The following NFAT5 variants were observed in gnomAD, a reference collection of about 807,000 sequenced individuals.
NFAT5 encodes the protein nuclear factor of activated T-cells 5.
Under a neutral mutation model 166.5 loss-of-function variants are expected in NFAT5, and 31 were observed. The ratio of observed to expected loss-of-function variants is 0.19; its 90% CI spans 0.14 to 0.25. The LOEUF is 0.25. NFAT5 is among the 10% of genes least tolerant of loss of function. The probability of loss-of-function intolerance (pLI) is 1.00; values close to 1 mark genes in which losing one functional copy is unlikely to be tolerated. For synonymous variants in NFAT5, 612 were observed against 639.7 expected (o/e 0.96, Z 0.65); for missense variants, 1,449 against 1,821.8 (o/e 0.80, Z 3.72).
rs2035570285 is a variant in NFAT5, at chr16:69,649,200, C to T, written c.812+1614C>T. 4.2e-6 allele frequency: 4 copies of T among 961,140 alleles called. 1 individual carries two copies. In the South Asian group the frequency reaches 1.4e-4, roughly 35 times the overall value. 59.5% of individuals were successfully genotyped at this position (961,140 alleles called of 1,614,324 possible). The stretch of plus-strand genomic sequence containing the variant: ...TACTTAAGTAACTGTGATAGTAACA[C>T]AGATCTAAAAGTCTCATGAATATCA... On this transcript the variant is annotated intron_variant, in intron 4 of 14. Coordinates refer to ENST00000349945, the MANE Select transcript of NFAT5 (RefSeq NM_138713.4).
intron 1 of NFAT5, 90 bp from the exon 2 acceptor site, chr16:69,568,405 C>T: frequency 1.7e-6 from 1 of 581,370 alleles, no homozygotes; most frequent in South Asian, 1.9e-5. Flanking sequence ...CACACACACA[C>T]ATTGCAGTTA....
Position 69,576,239 on chromosome 16 carries a change from C to T in NFAT5, c.127+7691C>T, listed in dbSNP as rs914225542. Reference sequence around the variant, plus strand: ...CCCGGAAGGTGGAGCTTTCAGGGAGCGGAGATGGCGCCTCTGCACTCCAGC... The same window carrying T: ...CCCGGAAGGTGGAGCTTTCAGGGAGTGGAGATGGCGCCTCTGCACTCCAGC... On this transcript the variant is annotated intron_variant, in intron 2 of 14. Transcript: ENST00000349945. Among the ~76,000 whole-genome samples the T allele has an allele frequency of 6.3e-4, 87 of 137,218 alleles. 2 individuals carry two copies. Among genetic ancestry groups the T allele is most frequent in the Non-Finnish European group, 8.2e-4 (54 of 65,762 alleles). The allele number at this position is 137,218 out of a possible 152,430, so 90.0% of individuals were successfully genotyped here.
intron 2 of NFAT5, among the ~76,000 whole-genome samples, chr16:69,606,965 C>T (rs938530471): frequency 1.4e-4 from 22 of 152,086 alleles, no homozygotes; most frequent in Admixed American, 7.9e-4. Flanking sequence ...GAAATAATGT[C>T]CGTGGAATAT....
chr16:69,671,539 T>C (rs1315589972), intron 9 of NFAT5, among the ~76,000 whole-genome samples: 1 of 152,160 alleles, frequency 6.6e-6, no homozygotes, highest in Admixed American at 6.5e-5. Context: ...TCCAGCTAAT[T>C]TTTGTATTTT....
At chr16:69,574,745 T>C (rs2016642171) in intron 2 of NFAT5, among the ~76,000 whole-genome samples, 1 of 152,030 alleles carries the variant, frequency 6.6e-6, no homozygotes, top group South Asian at 2.1e-4. Context: ...CTTGGCTTAT[T>C]GCAACCTCTG....
intron 2 of NFAT5, among the ~76,000 whole-genome samples, chr16:69,583,899 A>G (rs932549858): frequency 6.6e-6 from 1 of 152,174 alleles, no homozygotes; most frequent in East Asian, 1.9e-4. Flanking sequence ...TAATAATTGC[A>G]TTAAAATAAC....
At chr16:69,678,499 C>G (rs528059749) in intron 10 of NFAT5, among the ~76,000 whole-genome samples, 1 of 152,228 alleles carries the variant, frequency 6.6e-6, no homozygotes, top group African/African-American at 2.4e-5. Context: ...AGGCATGAGC[C>G]ACCACGTCCG....
At chr16:69,571,130 A>G (rs944263352) in intron 2 of NFAT5, among the ~76,000 whole-genome samples, 1 of 78,408 alleles carries the variant, frequency 1.3e-5, no homozygotes, top group Non-Finnish European at 2.3e-5. Flanking sequence ...CATCTCTACT[A>G]AAAAAAAAAA....
intron 3 of NFAT5, among the ~76,000 whole-genome samples, chr16:69,638,105 G>A (rs1238031056): frequency 1.3e-5 from 2 of 152,102 alleles, no homozygotes; most frequent in Non-Finnish European, 2.9e-5. Flanking sequence ...TATAATTCCA[G>A]CTACTCTGGA....
intron 2 of NFAT5, among the ~76,000 whole-genome samples, chr16:69,603,532 A>C (rs1461756688): frequency 6.6e-6 from 1 of 152,118 alleles, no homozygotes; most frequent in African/African-American, 2.4e-5. Flanking sequence ...TGGGCAGATC[A>C]CTTAAACTCA....
At chr16:69,688,190 G>A (rs535875142) in intron 11 of NFAT5, among the ~76,000 whole-genome samples, 214 of 94,212 alleles carry the variant, frequency 2.3e-3, no homozygotes, top group Non-Finnish European at 2.4e-3. Flanking sequence ...GCGACAGAGC[G>A]AGACTCCGTC....
intron 3 of NFAT5, among the ~76,000 whole-genome samples, chr16:69,633,388 T>C (rs1409927813): frequency 2.0e-5 from 3 of 152,220 alleles, no homozygotes; most frequent in African/African-American, 7.2e-5. Context: ...AAGTGGACTT[T>C]TTTATATCAC....
At chr16:69,664,098 A>G (rs2036260061) in intron 7 of NFAT5, among the ~76,000 whole-genome samples, 2 of 152,160 alleles carry the variant, frequency 1.3e-5, no homozygotes, top group African/African-American at 4.8e-5. Flanking sequence ...TAAGCAAACT[A>G]TCCCTCTCTT....
At chr16:69,662,546 A>G (rs975707036) in intron 7 of NFAT5, among the ~76,000 whole-genome samples, 1 of 135,316 alleles carries the variant, frequency 7.4e-6, no homozygotes, top group Non-Finnish European at 1.5e-5. Flanking sequence ...TGCAAGCTCC[A>G]CCTCCCGGGT....
intron 2 of NFAT5, among the ~76,000 whole-genome samples, chr16:69,595,376 C>T (rs115163952): frequency 7.4e-4 from 112 of 152,182 alleles, no homozygotes; most frequent in African/African-American, 2.5e-3. Context: ...TCTGTATTCC[C>T]GAATCTGTGT....
chr16:69,673,599 T>C (rs2036712599), intron 9 of NFAT5, among the ~76,000 whole-genome samples: 1 of 152,022 alleles, frequency 6.6e-6, no homozygotes, highest in Non-Finnish European at 1.5e-5. Flanking sequence ...GGCACATGCA[T>C]ATAGTTCCAG....
chr16:69,675,247 T>C (rs2036785724), intron 9 of NFAT5, among the ~76,000 whole-genome samples: 1 of 152,250 alleles, frequency 6.6e-6, no homozygotes, highest in South Asian at 2.1e-4. Context: ...CTGTTACTAA[T>C]TGCCAAGAAA....
rs953742673 is a variant in NFAT5 at position 69,697,206 on chromosome 16, T to A, written c.*855T>A. ...GGCTGGTATTCCCTTTTTATATATA[T>A]CTATATTACTTTTCACCTCTTTTTC... On this transcript the variant is annotated 3_prime_UTR_variant, in exon 15 of 15. Transcript: ENST00000349945. The A allele has an allele frequency of 6.6e-6, 1 of 152,602 alleles. No homozygotes were observed. Among genetic ancestry groups the A allele is most frequent in the African/African-American group, 2.4e-5 (1 of 41,444 alleles). 9.5% of individuals were successfully genotyped at this position (152,602 alleles called of 1,614,324 possible). A position where few individuals can be genotyped will look rare whatever the true frequency, so the allele number is the denominator to read the frequency against.
chr16:69,647,639 CA>C lies in NFAT5; in HGVS notation c.812+61del, dbSNP rs1182304882. ...ATCATCATTATGCAAAACAAACAAA[CA>C]AAAAAAATTCCCAATTTTTCCTAAT... On this transcript the variant is annotated intron_variant, in intron 4 of 14. Transcript: ENST00000349945. This position sits in a 1 kb window ranked among gnomAD's most constrained non-coding sequence, Gnocchi z 4.8. The C allele has an allele frequency of 2.3e-5, 34 of 1,460,752 alleles. No homozygotes were observed. The highest frequency in any genetic ancestry group is 4.6e-5 in the East Asian group (2 of 43,510). The allele number at this position is 1,460,752 out of a possible 1,614,324, so 90.5% of individuals were successfully genotyped here.
Sources: gnomAD v4.1 joint callset for allele counts (sites outside exome capture counted in the v4.1 genomes callset) on GRCh38, gnomAD v4.1.1 for gene constraint, Gnocchi (gnomAD v3.1) non-coding constraint, MANE v1.5 for transcripts, NCBI Gene and HGNC (gene_info 2026-07-23, HGNC 2026-07-21) for gene names.